Variants in MYO5B observed in about 807,000 individuals in gnomAD.
MYO5B encodes myosin VB.
A neutral mutation model predicts 229.3 loss-of-function variants in MYO5B; 143 were observed. The observed-to-expected ratio is 0.62, with a 90% CI of 0.54 to 0.72. The LOEUF is 0.72. Ranked by LOEUF, MYO5B falls within the 30% of genes least tolerant of loss-of-function variation. The pLI, the probability that MYO5B is intolerant of heterozygous loss-of-function variation, is 0.00. For missense variants in MYO5B, 2,321 were observed against 2,331.0 expected (o/e 1.00, Z 0.09); for synonymous variants, 918 against 885.2 (o/e 1.04, Z -0.66).
At chr18:50,079,890 T>C (rs1319123708) in intron 1 of MYO5B, among the ~76,000 whole-genome samples, 1 of 152,222 alleles carries the variant, frequency 6.6e-6, no homozygotes, top group Admixed American at 6.5e-5. Flanking sequence ...AGGGGTTTTG[T>C]TGCCACAGGA....
At chr18:49,914,807 GAAAA>G in intron 17 of MYO5B, among the ~76,000 whole-genome samples, 1 of 149,988 alleles carries the variant, frequency 6.7e-6, no homozygotes. Context: ...AAGAAAGAAA[GAAAA>G]AGAAACGAGT....
chr18:50,113,745 C>G (rs754649202), intron 1 of MYO5B, among the ~76,000 whole-genome samples: 1 of 152,186 alleles, frequency 6.6e-6, no homozygotes, highest in Non-Finnish European at 1.5e-5. Flanking sequence ...GAGGAGCCCC[C>G]TCTTACCCAC....
At chr18:49,852,887 CTTCT>C (rs1031747952) in intron 31 of MYO5B, among the ~76,000 whole-genome samples, 2 of 152,198 alleles carry the variant, frequency 1.3e-5, no homozygotes, top group African/African-American at 2.4e-5. Context: ...TCTACTTTCT[CTTCT>C]TTATTACATA....
Position 49,902,632 on chromosome 18 carries a change from T to A in MYO5B, c.2773A>T (p.Asn925Tyr), listed in dbSNP as rs1314426983. The A allele has an allele frequency of 1.2e-6, 2 of 1,613,264 alleles. No homozygotes were observed. The highest frequency in any genetic ancestry group is 1.7e-6 in the Non-Finnish European group (2 of 1,180,038). ...TTCCGCTGCAGCTGGACCACCTTGT[T>A]CTCCATGCCCACGTTGAGACGTTTC... is the stretch of plus-strand genomic sequence containing the variant. Reference protein sequence around the residue: ...HLKRLNVGMENKVVQLQRKID... With the variant: ...HLKRLNVGMEYKVVQLQRKID... Residue 925 changes from asparagine (N) to tyrosine (Y), a missense_variant, in exon 21 of 40, where the codon AAC becomes TAC. By Grantham distance (143) the Asn-to-Tyr change is moderately radical (BLOSUM62 -2). Transcript: ENST00000285039.
chr18:50,160,146 C>G (rs190945218), intron 1 of MYO5B, among the ~76,000 whole-genome samples: 47 of 152,370 alleles, frequency 3.1e-4, no homozygotes, highest in Middle Eastern at 3.4e-3. Context: ...GAATATCCAC[C>G]GTAAGCATGG....
chr18:49,876,224 C>G (rs1489225436), intron 25 of MYO5B: 2 of 322,594 alleles, frequency 6.2e-6, no homozygotes, highest in Non-Finnish European at 1.2e-5. Context: ...GATGAGGAAT[C>G]AACATGGTTA....
In MYO5B at chr18:49,906,555, G is replaced by A. The variant is rs767095432; in HGVS notation, c.2278C>T (p.Arg760Trp). The change falls in exon 19 of 40, where the codon CGG (arginine) becomes TGG (tryptophan). Residue 760 changes from arginine (R) to tryptophan (W), a missense_variant. Around this residue, in one of 2 missense-constraint regions of MYO5B, gnomAD observed 2,113 missense variants for 2,044.7 expected, o/e 1.03. Coordinates refer to ENST00000285039, the MANE Select transcript of MYO5B (RefSeq NM_001080467.3). The stretch of plus-strand genomic sequence containing the variant: ...GTGGCTGTCCGGAACTTGTCAGCCC[G>A]CAGCTTCTCCAGGTAGGCCACCTGG... ...AGQVAYLEKL[R>W]ADKFRTATIM... 2.2e-5 allele frequency: 35 copies of A among 1,614,024 alleles called. No homozygotes were observed. Among genetic ancestry groups the A allele is most frequent in the South Asian group, 7.7e-5 (7 of 91,092 alleles).
intron 14 of MYO5B, among the ~76,000 whole-genome samples, chr18:49,952,932 C>T (rs931824006): frequency 1.3e-5 from 2 of 151,902 alleles, no homozygotes; most frequent in Admixed American, 6.6e-5. Flanking sequence ...TCCATCACTG[C>T]GCTCACCGTC....
chr18:49,964,589 T>A (rs80296892), intron 10 of MYO5B, among the ~76,000 whole-genome samples: 5,319 of 152,264 alleles, frequency 0.035, 306 homozygotes, highest in African/African-American at 0.12. Flanking sequence ...TGGTCAACTG[T>A]GTAATGTTAG....
Position 49,892,009 on chromosome 18 carries a change from T to C in MYO5B, c.3045+2932A>G, listed in dbSNP as rs981607741. 6.6e-5 allele frequency among the ~76,000 whole-genome samples: 10 copies of C among 152,252 alleles called. No individual in the cohort carries two copies. The South Asian group carries it at 2.1e-3, about 32-fold the overall frequency. ...CCACAGCCCTGCACCAAGTAAGCCT[T>C]GCTCTGGTCCCATTGAGCAGCCTTC... is the stretch of plus-strand genomic sequence containing the variant. On this transcript the variant is annotated intron_variant, in intron 22 of 39. Coordinates refer to ENST00000285039, the MANE Select transcript of MYO5B (RefSeq NM_001080467.3).
chr18:49,906,063 G>A (rs1435933812), intron 19 of MYO5B, among the ~76,000 whole-genome samples: 1 of 152,170 alleles, frequency 6.6e-6, no homozygotes, highest in Non-Finnish European at 1.5e-5. Context: ...CCAAGCACAG[G>A]TTAACTGTGC....
chr18:49,902,567 C>T lies in MYO5B; in HGVS notation c.2811+27G>A, dbSNP rs371304624. On this transcript the variant is annotated intron_variant, in intron 21 of 39. Transcript: ENST00000285039. ...TGCTCCAGTACCCAAGCCCCCGACACCCAGGTAGGGAGCTGCAGACACTGA... is the reference window on the plus strand; with the variant it reads ...TGCTCCAGTACCCAAGCCCCCGACATCCAGGTAGGGAGCTGCAGACACTGA... The T allele has an allele frequency of 2.5e-6, 4 of 1,607,872 alleles. No individual in the cohort carries two copies. In the East Asian group the frequency reaches 6.7e-5, roughly 27 times the overall value.
chr18:50,033,573 T>A (rs1429096517), intron 4 of MYO5B, among the ~76,000 whole-genome samples: 1 of 152,160 alleles, frequency 6.6e-6, no homozygotes. Context: ...CATCTGCTGA[T>A]AATGATTTGA....
At chr18:50,087,640 G>T (rs1398004723) in intron 1 of MYO5B, among the ~76,000 whole-genome samples, 1 of 151,518 alleles carries the variant, frequency 6.6e-6, no homozygotes, top group South Asian at 2.1e-4. Flanking sequence ...ATGTTTAACC[G>T]CCTGTGTCTG....
At chr18:49,903,858 G>A (rs538390763) in intron 20 of MYO5B, among the ~76,000 whole-genome samples, 1 of 152,356 alleles carries the variant, frequency 6.6e-6, no homozygotes, top group South Asian at 2.1e-4. Context: ...ACAACACAAA[G>A]AGCAAGAACC....
chr18:50,056,097 T>C (rs1190557974), intron 1 of MYO5B, among the ~76,000 whole-genome samples: 1 of 152,118 alleles, frequency 6.6e-6, no homozygotes, highest in Non-Finnish European at 1.5e-5. Context: ...CTTTAAGCCA[T>C]AAACCCAAAA....
chr18:49,919,080 C>T (rs2025047893), intron 17 of MYO5B, among the ~76,000 whole-genome samples: 1 of 152,210 alleles, frequency 6.6e-6, no homozygotes, highest in Non-Finnish European at 1.5e-5. Flanking sequence ...TCACTGTCTA[C>T]CTTGCCTTCC....
At position 50,163,532 on chromosome 18, in the gene MYO5B, C is replaced by T. The variant is rs189260207; in HGVS notation, c.27+31235G>A. Among the ~76,000 whole-genome samples the T allele has an allele frequency of 3.2e-4, 49 of 152,360 alleles. No individual in the cohort carries two copies. In the East Asian group the frequency reaches 8.3e-3, roughly 26 times the overall value. On this transcript the variant is annotated intron_variant, in intron 1 of 39. Coordinates refer to ENST00000285039, the MANE Select transcript of MYO5B (RefSeq NM_001080467.3). ...GCATGAATCTCCTGGGGCACACAAT[C>T]TTAGTTTCTCCTCCTATCTTATTTC... is the stretch of plus-strand genomic sequence containing the variant.
At chr18:49,878,138 C>A (rs934671361) in intron 24 of MYO5B, among the ~76,000 whole-genome samples, 4 of 152,226 alleles carry the variant, frequency 2.6e-5, no homozygotes, top group African/African-American at 9.6e-5. Flanking sequence ...TCCGAGAAGT[C>A]CTGGAAAAAC....
Sources: gnomAD v4.1 joint callset for allele counts (sites outside exome capture counted in the v4.1 genomes callset) on GRCh38, gnomAD v4.1.1 for gene constraint, gnomAD v4.1.1 regional missense constraint, MANE v1.5 for transcripts, NCBI Gene and HGNC (gene_info 2026-07-23, HGNC 2026-07-21) for gene names.